Variants in SPIN1 observed in about 807,000 individuals in gnomAD.
The protein encoded by SPIN1 is spindlin-1.
A neutral mutation model predicts 26.0 loss-of-function variants in SPIN1; 3 were observed. That is an observed-to-expected ratio of 0.12 (90% CI 0.05 to 0.30). The LOEUF (loss-of-function observed/expected upper bound fraction) is 0.30. Among genes scored for constraint, SPIN1 ranks in the 10% least tolerant of loss-of-function variants. The pLI is 1.00. For synonymous variants in SPIN1, 101 were observed against 116.5 expected (o/e 0.87, Z 0.86); for missense variants, 126 against 333.4 (o/e 0.38, Z 4.84).
Position 88,476,480 on chromosome 9 carries a change from C to T in SPIN1, c.*1203C>T, listed in dbSNP as rs1232407034. 6.6e-6 allele frequency: 1 copy of T among 152,260 alleles called. No individual in the cohort carries two copies. The highest frequency in any genetic ancestry group is 1.5e-5 in the Non-Finnish European group (1 of 68,084). 9.4% of individuals were successfully genotyped at this position (152,260 alleles called of 1,614,324 possible). A position where few individuals can be genotyped will look rare whatever the true frequency, so the allele number is the denominator to read the frequency against. On this transcript the variant is annotated 3_prime_UTR_variant, in exon 6 of 6. Coordinates refer to ENST00000375859, the MANE Select transcript of SPIN1 (RefSeq NM_006717.3). ...GACAAACAGCAGCTTAGTCTCCTGA[C>T]ACCTCTTGTGGGGTGCATGTTCCTG... is the stretch of plus-strand genomic sequence containing the variant.
chr9:88,436,998 C>T (rs370783135), intron 2 of SPIN1, among the ~76,000 whole-genome samples: 1 of 151,822 alleles, frequency 6.6e-6, no homozygotes, highest in Admixed American at 6.6e-5. Flanking sequence ...ATCTCCTGAC[C>T]TCGTGATCCG....
rs1434339186 is a variant in SPIN1 at position 88,410,443 on chromosome 9, C to G, written c.-158-15939C>G. 4 of 651,772 alleles carry G rather than the reference C, an allele frequency of 6.1e-6. No individual in the cohort carries two copies. The African/African-American group carries it at 7.1e-5, about 12-fold the overall frequency. The allele number at this position is 651,772 out of a possible 1,614,324, so 40.4% of individuals were successfully genotyped here. A position where few individuals can be genotyped will look rare whatever the true frequency, so the allele number is the denominator to read the frequency against. ...GCATCTAGGCCCTGCCACCACTGTGCTTGGCTGAATTCACAAATCTGTTTT... is the reference window on the plus strand; with the variant it reads ...GCATCTAGGCCCTGCCACCACTGTGGTTGGCTGAATTCACAAATCTGTTTT... On this transcript the variant is annotated intron_variant, in intron 1 of 5. Transcript: ENST00000375859.
intron 2 of SPIN1, among the ~76,000 whole-genome samples, chr9:88,447,977 T>G (rs750571290): frequency 6.6e-6 from 1 of 152,298 alleles, no homozygotes; most frequent in East Asian, 1.9e-4. Flanking sequence ...TTCAGTTGTT[T>G]ATGACAGTAA....
chr9:88,430,456 T>G (rs1827846542), intron 2 of SPIN1, among the ~76,000 whole-genome samples: 1 of 152,282 alleles, frequency 6.6e-6, no homozygotes, highest in South Asian at 2.1e-4. Context: ...CTCACCAAGT[T>G]TCCAGGGAGG....
At chr9:88,473,773 A>G (rs976198902) in intron 5 of SPIN1, among the ~76,000 whole-genome samples, 5 of 152,204 alleles carry the variant, frequency 3.3e-5, no homozygotes, top group African/African-American at 7.2e-5. Flanking sequence ...AGGCCTCTAC[A>G]TGACTCCCTT....
At chr9:88,439,394 C>A (rs1828072317) in intron 2 of SPIN1, among the ~76,000 whole-genome samples, 1 of 152,136 alleles carries the variant, frequency 6.6e-6, no homozygotes, top group South Asian at 2.1e-4. Context: ...TGAGTATAAA[C>A]TTTGTTTCAT....
Position 88,475,527 on chromosome 9 carries a change from A to T in SPIN1, c.*250A>T. The T allele has an allele frequency of 3.0e-6, 1 of 331,650 alleles. No individual in the cohort carries two copies. Among genetic ancestry groups the T allele is most frequent in the South Asian group, 6.1e-5 (1 of 16,286 alleles). 20.5% of individuals were successfully genotyped at this position (331,650 alleles called of 1,614,324 possible). A position where few individuals can be genotyped will look rare whatever the true frequency, so the allele number is the denominator to read the frequency against. On this transcript the variant is annotated 3_prime_UTR_variant, in exon 6 of 6. Coordinates refer to ENST00000375859, the MANE Select transcript of SPIN1 (RefSeq NM_006717.3). ...GGGGAGTTACAGGCAAGTTTGGTAA[A>T]AGTTAAGCTAGTATCATAGTCATTT...
chr9:88,390,529 TATAC>T (rs1826896999), intron 1 of SPIN1, among the ~76,000 whole-genome samples: 1 of 152,246 alleles, frequency 6.6e-6, no homozygotes, highest in South Asian at 2.1e-4. Flanking sequence ...GTATATTCGA[TATAC>T]ATTCTTTTGG....
At chr9:88,409,769 C>T (rs1308386045) in intron 1 of SPIN1, among the ~76,000 whole-genome samples, 8 of 150,850 alleles carry the variant, frequency 5.3e-5, no homozygotes, top group Admixed American at 4.0e-4. Context: ...ACCCAGGAGG[C>T]GGAGCTTGCA....
At chr9:88,468,167 T>C (rs1452316942) in intron 4 of SPIN1, among the ~76,000 whole-genome samples, 4 of 152,192 alleles carry the variant, frequency 2.6e-5, no homozygotes, top group African/African-American at 7.2e-5. Context: ...AAAATACTTC[T>C]ATTCTGTTGA....
chr9:88,439,134 T>C (rs1379297476), intron 2 of SPIN1, among the ~76,000 whole-genome samples: 1 of 152,242 alleles, frequency 6.6e-6, no homozygotes, highest in Non-Finnish European at 1.5e-5. Context: ...TTGTTTGTTG[T>C]TGCTGTTAAT....
chr9:88,461,988 ATTAG>A lies in SPIN1; in HGVS notation c.102-504_102-501del, dbSNP rs568964297. On this transcript the variant is annotated intron_variant, in intron 3 of 5. Coordinates refer to ENST00000375859, the MANE Select transcript of SPIN1 (RefSeq NM_006717.3). Reference sequence around the variant, plus strand: ...AGAGAAAATTGTCTAGTTTATTTTTATTAGTTAAGCTTGTACAGGCAGAATTATT... The same window carrying A: ...AGAGAAAATTGTCTAGTTTATTTTTATTAAGCTTGTACAGGCAGAATTATT... Among the ~76,000 whole-genome samples, 22 of 152,282 alleles carry A rather than the reference ATTAG, an allele frequency of 1.4e-4. No individual in the cohort carries two copies. In the East Asian group the frequency reaches 2.3e-3, roughly 16 times the overall value.
chr9:88,411,902 G>A (rs1415792524), intron 1 of SPIN1, among the ~76,000 whole-genome samples: 2 of 151,986 alleles, frequency 1.3e-5, no homozygotes, highest in Non-Finnish European at 2.9e-5. Flanking sequence ...GGCCGGGTGC[G>A]GTGGCTCATG....
intron 2 of SPIN1, among the ~76,000 whole-genome samples, chr9:88,427,111 TAAAC>T (rs944741004): frequency 3.9e-5 from 6 of 152,194 alleles, no homozygotes; most frequent in African/African-American, 1.4e-4. Context: ...CCAATAAAGA[TAAAC>T]AAAATCTTAT....
At chr9:88,420,951 C>T (rs549582165) in intron 1 of SPIN1, among the ~76,000 whole-genome samples, 2 of 152,228 alleles carry the variant, frequency 1.3e-5, no homozygotes, top group African/African-American at 4.8e-5. Context: ...CACGTAGCCT[C>T]TGCTCTGCTC....
intron 2 of SPIN1, among the ~76,000 whole-genome samples, chr9:88,433,187 C>T (rs1226664180): frequency 6.6e-6 from 1 of 152,182 alleles, no homozygotes; most frequent in Non-Finnish European, 1.5e-5. Context: ...TCAAGAGATC[C>T]TCCCACCTCA....
intron 3 of SPIN1, among the ~76,000 whole-genome samples, chr9:88,453,730 T>C (rs1302904764): frequency 6.6e-6 from 1 of 152,180 alleles, no homozygotes; most frequent in Non-Finnish European, 1.5e-5. Context: ...TTCTCCATGT[T>C]GGTCAGGCAG....
intron 2 of SPIN1, among the ~76,000 whole-genome samples, chr9:88,448,632 G>A (rs762882709): frequency 1.3e-5 from 2 of 152,182 alleles, no homozygotes; most frequent in East Asian, 1.9e-4. Context: ...ACAGGGATGA[G>A]CCTCCACACC....
chr9:88,405,719 T>C (rs1298012563), intron 1 of SPIN1, among the ~76,000 whole-genome samples: 1 of 151,932 alleles, frequency 6.6e-6, no homozygotes, highest in East Asian at 1.9e-4. Flanking sequence ...TACTATACTT[T>C]TGTATGACTT....
Sources: gnomAD v4.1 joint callset for allele counts (sites outside exome capture counted in the v4.1 genomes callset) on GRCh38, gnomAD v4.1.1 for gene constraint, MANE v1.5 for transcripts, NCBI Gene and HGNC (gene_info 2026-07-23, HGNC 2026-07-21) for gene names.